The following CEMIP variants were observed in gnomAD, a reference collection of about 807,000 sequenced individuals.
CEMIP encodes cell migration inducing hyaluronidase 1.
In CEMIP, 105 loss-of-function variants were observed where a neutral mutation model predicts 156.9. That is an observed-to-expected ratio of 0.67 (90% CI 0.57 to 0.79). The LOEUF (loss-of-function observed/expected upper bound fraction) is 0.79, where lower values mean the gene tolerates loss of function less well. Ranked by LOEUF, CEMIP falls within the 30% of genes least tolerant of loss-of-function variation. The pLI is 0.00. For missense variants in CEMIP, 1,457 were observed against 1,769.4 expected, an observed-to-expected ratio of 0.82 and a Z score of 3.17; for synonymous variants, 676 against 668.4, an observed-to-expected ratio of 1.01 and a Z score of -0.17.
chr15:80,941,749 C>T (rs1434345185), intron 25 of CEMIP, 100 bp from the exon 26 acceptor site: 45 of 1,096,574 alleles, frequency 4.1e-5, no homozygotes, highest in Non-Finnish European at 4.1e-6. Context: ...GCTGGGTCTA[C>T]CTGCTATGAC....
intron 1 of CEMIP, among the ~76,000 whole-genome samples, chr15:80,823,352 C>T (rs11072948): frequency 0.5 from 76,592 of 152,006 alleles, 19,671 homozygotes; most frequent in East Asian, 0.6. Flanking sequence ...TGTGTACCCA[C>T]GTGAGGCCTT....
chr15:80,825,110 T>C (rs1897000295), intron 1 of CEMIP, among the ~76,000 whole-genome samples: 1 of 152,200 alleles, frequency 6.6e-6, no homozygotes, highest in African/African-American at 2.4e-5. Context: ...CCTGCTCACA[T>C]CTTACCTATG....
At chr15:80,884,045 C>T in intron 6 of CEMIP, 130 bp from the exon 7 acceptor site, 1 of 913,652 alleles carries the variant, frequency 1.1e-6, no homozygotes, top group Admixed American at 1.9e-5. Context: ...AAAAGGCTTC[C>T]TTCTTTAAGA....
intron 25 of CEMIP, among the ~76,000 whole-genome samples, chr15:80,938,595 T>A (rs1901225480): frequency 6.6e-6 from 1 of 151,530 alleles, no homozygotes; most frequent in Non-Finnish European, 1.5e-5. Context: ...ACAGAGAGAG[T>A]GAGAGATGGG....
intron 24 of CEMIP, 114 bp from the exon 25 acceptor site, chr15:80,937,680 A>G: frequency 1.1e-6 from 1 of 936,166 alleles, no homozygotes; most frequent in South Asian, 1.4e-5. Flanking sequence ...TTCCCATACA[A>G]AAGTGGAGGT....
chr15:80,881,345 A>C (rs1373508463), intron 6 of CEMIP, among the ~76,000 whole-genome samples: 2 of 152,358 alleles, frequency 1.3e-5, no homozygotes, highest in African/African-American at 2.4e-5. Flanking sequence ...ACATATGTAC[A>C]TACAACGTAG....
chr15:80,924,064 C>T (rs1161540942), intron 17 of CEMIP, among the ~76,000 whole-genome samples: 1 of 152,190 alleles, frequency 6.6e-6, no homozygotes, highest in Non-Finnish European at 1.5e-5. Flanking sequence ...CCCTGGGCAG[C>T]ATCACTCAGC....
chr15:80,780,516 G>A (rs1269345308), intron 1 of CEMIP, among the ~76,000 whole-genome samples: 1 of 152,220 alleles, frequency 6.6e-6, no homozygotes, highest in Non-Finnish European at 1.5e-5. Context: ...TTCCCCAAGG[G>A]TCGGACGCTA....
At chr15:80,863,739 G>A (rs966421507) in intron 1 of CEMIP, among the ~76,000 whole-genome samples, 2 of 152,204 alleles carry the variant, frequency 1.3e-5, no homozygotes, top group Non-Finnish European at 2.9e-5. Context: ...GGGGCCCGGA[G>A]GAAGTTCGTG....
intron 25 of CEMIP, among the ~76,000 whole-genome samples, chr15:80,939,499 C>A (rs910612937): frequency 6.6e-6 from 1 of 152,172 alleles, no homozygotes; most frequent in African/African-American, 2.4e-5. Flanking sequence ...GGGATACCAT[C>A]CATGCAGATT....
chr15:80,900,654 G>GTGTGTGTC (rs1899480825), intron 12 of CEMIP, among the ~76,000 whole-genome samples: 1 of 140,194 alleles, frequency 7.1e-6, no homozygotes, highest in African/African-American at 2.7e-5. Flanking sequence ...GTGTGTCTGT[G>GTGTGTGTC]TGTGTGTCTG....
At chr15:80,853,644 A>T (rs1023805213) in intron 1 of CEMIP, among the ~76,000 whole-genome samples, 4 of 152,240 alleles carry the variant, frequency 2.6e-5, no homozygotes, top group African/African-American at 9.6e-5. Flanking sequence ...AGAGAAGATC[A>T]AAACAGAGAG....
chr15:80,929,231 A>G (rs1183995411), intron 21 of CEMIP, 57 bp downstream of exon 21: 4 of 1,604,948 alleles, frequency 2.5e-6, no homozygotes, highest in Non-Finnish European at 2.6e-6. Context: ...AGTGGCTGTG[A>G]TGGAAGGGAA....
intron 1 of CEMIP, among the ~76,000 whole-genome samples, chr15:80,813,584 G>C (rs1303775879): frequency 6.6e-6 from 1 of 152,022 alleles, no homozygotes; most frequent in Non-Finnish European, 1.5e-5. Context: ...GTCCTCAGGT[G>C]ATCCACCTGC....
intron 14 of CEMIP, among the ~76,000 whole-genome samples, chr15:80,917,816 T>C (rs541911558): frequency 1.3e-5 from 2 of 152,330 alleles, no homozygotes; most frequent in South Asian, 4.1e-4. Flanking sequence ...TGAGTCTCGT[T>C]TTCCTCGTCT....
intron 1 of CEMIP, among the ~76,000 whole-genome samples, chr15:80,834,957 TA>T (rs1233793207): frequency 1.3e-5 from 2 of 152,186 alleles, no homozygotes; most frequent in East Asian, 1.9e-4. Context: ...TTTTTTGCTT[TA>T]AAAAAAAGAG....
Position 80,879,738 on chromosome 15 carries a change from C to A in CEMIP, c.264C>A (p.His88Gln). The A allele has an allele frequency of 6.2e-7, 1 of 1,614,206 alleles. No homozygotes were observed. Among genetic ancestry groups the A allele is most frequent in the Admixed American group, 1.7e-5 (1 of 60,028 alleles). ...CAGGCAAGCTGGTCATTAAAGACCA[C>A]GACGAGCCGATTGTTTTGCGAACCC... Reference protein sequence around the residue: ...SEGGKLVIKDHDEPIVLRTRH... With the variant: ...SEGGKLVIKDQDEPIVLRTRH... The change falls in exon 5 of 30, where the codon CAC (histidine) becomes CAA (glutamine). Residue 88 changes from histidine (H) to glutamine (Q), a missense_variant. This residue lies in a region of CEMIP where 309 missense variants were observed against 340.8 expected (regional missense o/e 0.91). Coordinates refer to ENST00000394685, the MANE Select transcript of CEMIP (RefSeq NM_001293298.2).
chr15:80,791,839 G>T (rs1034851247), intron 1 of CEMIP, among the ~76,000 whole-genome samples: 2 of 152,212 alleles, frequency 1.3e-5, no homozygotes, highest in African/African-American at 4.8e-5. Context: ...GGGATAAAGG[G>T]ACAGCATTTC....
intron 1 of CEMIP, among the ~76,000 whole-genome samples, chr15:80,786,060 G>T (rs1275928221): frequency 6.6e-6 from 1 of 152,136 alleles, no homozygotes; most frequent in African/African-American, 2.4e-5. Context: ...ATAAGAAGTG[G>T]CTGTGGTTGG....
Sources: allele counts gnomAD v4.1 joint callset (sites outside exome capture counted in the v4.1 genomes callset), GRCh38; gene constraint gnomAD v4.1.1; regional missense constraint gnomAD v4.1.1; transcripts MANE v1.5; gene names NCBI Gene and HGNC (gene_info 2026-07-23, HGNC 2026-07-21).